ARHGEF38: variants seen among roughly 807,000 people sequenced by gnomAD.
ARHGEF38 encodes Rho guanine nucleotide exchange factor 38, also known as Rho guanine nucleotide exchange factor (GEF) 38.
ARHGEF38 carries 79 observed loss-of-function variants against 79.9 expected under a neutral mutation model. That is an observed-to-expected ratio of 0.99 (90% CI 0.82 to 1.19). ARHGEF38 has a LOEUF of 1.19. ARHGEF38 is among the 50% of genes most tolerant of loss of function. The probability of loss-of-function intolerance (pLI) is 0.00; values close to 1 mark genes in which losing one functional copy is unlikely to be tolerated. For synonymous variants in ARHGEF38, 366 were observed against 328.3 expected (o/e 1.11, Z -1.24); for missense variants, 962 against 907.2 (o/e 1.06, Z -0.78).
intron 1 of ARHGEF38, among the ~76,000 whole-genome samples, chr4:105,570,590 G>A (rs1560691641): frequency 1.3e-5 from 2 of 152,110 alleles, no homozygotes; most frequent in South Asian, 2.1e-4. Flanking sequence ...TGGGGAAAAG[G>A]CCCTTGTAAA....
chr4:105,625,306 C>T lies in ARHGEF38; in HGVS notation c.509-5592C>T, dbSNP rs549142440. Among the ~76,000 whole-genome samples, 12 of 152,204 alleles carry T rather than the reference C, an allele frequency of 7.9e-5. No homozygotes were observed. The South Asian group carries it at 2.5e-3, about 32-fold the overall frequency. Reference sequence around the variant, plus strand: ...TCAGGATTTCTCCCAAAATATTTTCCTGTCAAAGAGAAAACAGAACAAAAC... The same window carrying T: ...TCAGGATTTCTCCCAAAATATTTTCTTGTCAAAGAGAAAACAGAACAAAAC... On this transcript the variant is annotated intron_variant, in intron 3 of 13. Transcript: ENST00000420470.
chr4:105,645,037 G>A (rs978388919), intron 5 of ARHGEF38, 151 bp from the exon 6 acceptor site: 164 of 625,730 alleles, frequency 2.6e-4, no homozygotes, highest in African/African-American at 3.4e-4. Context: ...TCTTTCTGTC[G>A]TCTTTTGCTC....
At chr4:105,579,686 A>C (rs1244255128) in intron 1 of ARHGEF38, among the ~76,000 whole-genome samples, 1 of 152,066 alleles carries the variant, frequency 6.6e-6, no homozygotes, top group Non-Finnish European at 1.5e-5. Context: ...ATTGGCCTGA[A>C]GTTTTCTTTA....
In ARHGEF38 at chr4:105,658,953, T is replaced by G. The variant is rs1312716484; in HGVS notation, c.1234-101T>G. On this transcript the variant is annotated intron_variant, in intron 9 of 13. Coordinates refer to ENST00000420470, the MANE Select transcript of ARHGEF38 (RefSeq NM_001242729.2). Reference sequence around the variant, plus strand: ...GGGTAGGTGCTTTCCTGTTTTCTTTTGTGCTTCTCGTGGGGGAAAAGGTAA... The same window carrying G: ...GGGTAGGTGCTTTCCTGTTTTCTTTGGTGCTTCTCGTGGGGGAAAAGGTAA... 5 of 1,036,300 alleles carry G rather than the reference T, an allele frequency of 4.8e-6. No homozygotes were observed. The South Asian group carries it at 8.6e-5, about 18-fold the overall frequency. 64.2% of individuals were successfully genotyped at this position (1,036,300 alleles called of 1,614,324 possible).
chr4:105,631,430 G>A lies in ARHGEF38; in HGVS notation c.656+385G>A, dbSNP rs565629777. On this transcript the variant is annotated intron_variant, in intron 4 of 13. Coordinates refer to ENST00000420470, the MANE Select transcript of ARHGEF38 (RefSeq NM_001242729.2). ...GGAGCACATGGGTTAATGGAGTTAG[G>A]GGAATGGCCTACAACTCTGCATGGC... 1.7e-4 allele frequency: 170 copies of A among 988,212 alleles called. 1 individual carries two copies. The highest frequency in any genetic ancestry group is 1.4e-3 in the East Asian group (12 of 8,886). 61.2% of individuals were successfully genotyped at this position (988,212 alleles called of 1,614,324 possible). A position where few individuals can be genotyped will look rare whatever the true frequency, so the allele number is the denominator to read the frequency against.
intron 4 of ARHGEF38, among the ~76,000 whole-genome samples, chr4:105,633,820 G>A (rs1255035989): frequency 6.6e-6 from 1 of 152,046 alleles, no homozygotes; most frequent in African/African-American, 2.4e-5. Flanking sequence ...AAAACCATGT[G>A]GAAAGTTTAA....
At chr4:105,583,356 T>C (rs1726884876) in intron 1 of ARHGEF38, among the ~76,000 whole-genome samples, 1 of 152,210 alleles carries the variant, frequency 6.6e-6, no homozygotes, top group African/African-American at 2.4e-5. Context: ...CAAGCTGTCC[T>C]GTCCACCAAA....
intron 3 of ARHGEF38, among the ~76,000 whole-genome samples, chr4:105,619,503 C>CT (rs1469042419): frequency 2.0e-5 from 3 of 151,868 alleles, no homozygotes; most frequent in Admixed American, 6.6e-5. Context: ...TGGAGTGATT[C>CT]TTTTTTTTCC....
intron 3 of ARHGEF38, among the ~76,000 whole-genome samples, chr4:105,624,442 C>T (rs1238597708): frequency 1.3e-5 from 2 of 152,088 alleles, no homozygotes; most frequent in African/African-American, 4.8e-5. Flanking sequence ...TCAAGGGATA[C>T]ACTTGTTTTA....
chr4:105,682,549 T>C (rs1055248349), downstream of ARHGEF38: 44 of 541,884 alleles, frequency 8.1e-5, no homozygotes, highest in African/African-American at 8.3e-4. Flanking sequence ...AATAAAAATG[T>C]TGAAGATTGA....
At chr4:105,659,463 T>C in intron 10 of ARHGEF38, 98 bp downstream of exon 10, 1 of 1,146,940 alleles carries the variant, frequency 8.7e-7, no homozygotes, top group East Asian at 2.6e-5. Context: ...TGCACATGTA[T>C]GCCGTGTGGT....
intron 3 of ARHGEF38, among the ~76,000 whole-genome samples, chr4:105,628,035 A>T (rs1283203945): frequency 2.0e-5 from 3 of 152,180 alleles, no homozygotes; most frequent in Non-Finnish European, 4.4e-5. Flanking sequence ...AAGAGTAAAA[A>T]AAAAAAAGAT....
intron 7 of ARHGEF38, among the ~76,000 whole-genome samples, chr4:105,652,222 G>C (rs1730133540): frequency 6.6e-6 from 1 of 152,138 alleles, no homozygotes; most frequent in Non-Finnish European, 1.5e-5. Flanking sequence ...CTCTAAAATG[G>C]GAGTAATCAT....
At chr4:105,591,914 C>T (rs1035756202) in intron 2 of ARHGEF38, among the ~76,000 whole-genome samples, 8 of 152,134 alleles carry the variant, frequency 5.3e-5, no homozygotes, top group Non-Finnish European at 8.8e-5. Context: ...TAAATGTTTT[C>T]TGCTGTGTTT....
intron 2 of ARHGEF38, among the ~76,000 whole-genome samples, chr4:105,610,720 C>A (rs1728257885): frequency 6.6e-6 from 1 of 151,986 alleles, no homozygotes; most frequent in South Asian, 2.1e-4. Flanking sequence ...ATGTTTTAAT[C>A]CTTTCTGTCC....
chr4:105,592,487 A>G (rs193052751), intron 2 of ARHGEF38, among the ~76,000 whole-genome samples: 1 of 151,502 alleles, frequency 6.6e-6, no homozygotes, highest in Non-Finnish European at 1.5e-5. Flanking sequence ...AAGATGCTTT[A>G]ATTTCTATGG....
intron 6 of ARHGEF38, among the ~76,000 whole-genome samples, chr4:105,645,909 A>G (rs1023955878): frequency 6.6e-6 from 1 of 152,346 alleles, no homozygotes; most frequent in Admixed American, 6.5e-5. Flanking sequence ...TTAGCAAATT[A>G]TTGTTAACTA....
chr4:105,643,279 T>G (rs1488287259), intron 5 of ARHGEF38, among the ~76,000 whole-genome samples: 1 of 152,044 alleles, frequency 6.6e-6, no homozygotes, highest in East Asian at 1.9e-4. Flanking sequence ...TTTTCCCTCT[T>G]TCTGCCTCCT....
chr4:105,644,882 C>T lies in ARHGEF38; in HGVS notation c.675-306C>T, dbSNP rs895675999. Among the ~76,000 whole-genome samples the T allele has an allele frequency of 3.3e-5, 5 of 152,100 alleles. No homozygotes were observed. The East Asian group carries it at 5.8e-4, about 18-fold the overall frequency. On this transcript the variant is annotated intron_variant, in intron 5 of 13. Transcript: ENST00000420470. ...GTAAAATACGTTCTGAAATTGTTTCCCATTATATTATAAAGCCAATTATAA... is the reference window on the plus strand; with the variant it reads ...GTAAAATACGTTCTGAAATTGTTTCTCATTATATTATAAAGCCAATTATAA...
Sources: gnomAD v4.1 joint callset for allele counts (sites outside exome capture counted in the v4.1 genomes callset) on GRCh38, gnomAD v4.1.1 for gene constraint, MANE v1.5 for transcripts, NCBI Gene and HGNC (gene_info 2026-07-23, HGNC 2026-07-21) for gene names.